Variants in ALOX15 observed in about 807,000 individuals in gnomAD.
ALOX15 encodes polyunsaturated fatty acid lipoxygenase ALOX15.
ALOX15 carries 68 observed loss-of-function variants against 71.7 expected under a neutral mutation model. That is an observed-to-expected ratio of 0.95 (90% CI 0.78 to 1.16). ALOX15 has a LOEUF of 1.16. Among genes scored for constraint, ALOX15 ranks in the 50% most tolerant of loss-of-function variants. The pLI is 0.00. For missense variants in ALOX15, 798 were observed against 818.8 expected, an observed-to-expected ratio of 0.97 and a Z score of 0.31; for synonymous variants, 346 against 333.3, an observed-to-expected ratio of 1.04 and a Z score of -0.42.
At position 4,641,658 on chromosome 17, in the gene ALOX15, CAA is replaced by C. The variant is rs775519285; in HGVS notation, c.-9_-8del. The C allele has an allele frequency of 6.3e-7, 1 of 1,596,542 alleles. No individual in the cohort carries two copies. The highest frequency in any genetic ancestry group is 8.5e-7 in the Non-Finnish European group (1 of 1,175,470). The stretch of plus-strand genomic sequence containing the variant: ...GGATGCGGTAGAGACCCATCTTGCT[CAA>C]AGATGTTTCGCTCCTTCTGGTGGAG... On this transcript the variant is annotated 5_prime_UTR_variant, in exon 1 of 14. Transcript: ENST00000293761.
In ALOX15 at chr17:4,631,945, G is replaced by C. The variant is rs772605354; in HGVS notation, c.1753C>G (p.Gln585Glu). The C allele has an allele frequency of 1.2e-6, 2 of 1,614,132 alleles. No individual in the cohort carries two copies. Among genetic ancestry groups the C allele is most frequent in the Middle Eastern group, 1.6e-4 (1 of 6,062 alleles). ...GTGATGGACATCTGGAGAGAAGCCTGGTGGAAGTTGGGCAGTGTCGCCATC... is the reference window on the plus strand; with the variant it reads ...GTGATGGACATCTGGAGAGAAGCCTCGTGGAAGTTGGGCAGTGTCGCCATC... ...TVMATLPNFHQASLQMSITWQ... is the reference protein window; with the variant it reads ...TVMATLPNFHEASLQMSITWQ... Residue 585 changes from glutamine (Q) to glutamate (E), a missense_variant, in exon 13 of 14, where the codon CAG becomes GAG. Coordinates refer to ENST00000293761, the MANE Select transcript of ALOX15 (RefSeq NM_001140.5).
At chr17:4,641,235 G>C (rs1227313299) in intron 1 of ALOX15, among the ~76,000 whole-genome samples, 1 of 150,750 alleles carries the variant, frequency 6.6e-6, no homozygotes, top group Non-Finnish European at 1.5e-5. Flanking sequence ...AGTGACTGCT[G>C]AGTTTCCAGA....
At position 4,639,151 on chromosome 17, in the gene ALOX15, A is replaced by G. The variant is rs370539505; in HGVS notation, c.338-19T>C. On this transcript the variant is annotated intron_variant, in intron 2 of 13. Coordinates refer to ENST00000293761, the MANE Select transcript of ALOX15 (RefSeq NM_001140.5). ...GTGCGGCCTAGAAGGACAGAGGAGG[A>G]CTTGGCCAGTGACTTTTGGTGAGCG... 226 of 1,613,796 alleles carry G rather than the reference A, an allele frequency of 1.4e-4. 1 individual carries two copies. The Middle Eastern group carries it at 2.0e-3, about 14-fold the overall frequency.
Position 4,639,603 on chromosome 17 carries a change from T to G in ALOX15, c.164A>C (p.Glu55Ala). ...CACAAACAGCAGCGGCCCCAGATAC[T>G]CCGGTACTTCCACCTTGAGTTCTGT... is the stretch of plus-strand genomic sequence containing the variant. Reference protein sequence around the residue: ...KETELKVEVPEYLGPLLFVKL... With the variant: ...KETELKVEVPAYLGPLLFVKL... The change falls in exon 2 of 14, where the codon GAG (glutamate) becomes GCG (alanine). Residue 55 changes from glutamate to alanine, a missense_variant. Glu to Ala is a moderately radical substitution (Grantham distance 107). This residue lies in a region of ALOX15 where 300 missense variants were observed against 283.1 expected (regional missense o/e 1.06). Transcript: ENST00000293761. The G allele has an allele frequency of 1.2e-6, 2 of 1,613,486 alleles. No individual in the cohort carries two copies. Among genetic ancestry groups the G allele is most frequent in the Non-Finnish European group, 1.7e-6 (2 of 1,179,756 alleles).
rs1567648033 is a variant in ALOX15 at position 4,637,157 on chromosome 17, C to T, written c.909G>A (p.Leu303=). 8 of 1,613,904 alleles carry T rather than the reference C, an allele frequency of 5.0e-6. No homozygotes were observed. The highest frequency in any genetic ancestry group is 5.1e-6 in the Non-Finnish European group (6 of 1,179,870). ...QQHLAAPLVM[L]KLQPDGKLLP... ...AGAGTTTCCCATCAGGCTGCAATTT[C>T]AGCATGACTAGAGGGGCAGCCAGGT... The change falls in exon 7 of 14, where the codon CTG becomes CTA. Residue 303 remains leucine, a synonymous_variant. Transcript: ENST00000293761.
rs1320260856 is a variant in ALOX15 at position 4,639,876 on chromosome 17, T to G, written c.136-245A>C. On this transcript the variant is annotated intron_variant, in intron 1 of 13. Coordinates refer to ENST00000293761, the MANE Select transcript of ALOX15 (RefSeq NM_001140.5). ...TCCTGCCTTCACTTTCTCCTCCCTG[T>G]GGTCACTGACTGTGCCAAGCGCTGG... 6.0e-4 allele frequency: 292 copies of G among 486,640 alleles called. 4 individuals are homozygous for G. The East Asian group carries it at 0.01, about 17-fold the overall frequency. 30.1% of individuals were successfully genotyped at this position (486,640 alleles called of 1,614,324 possible). A position where few individuals can be genotyped will look rare whatever the true frequency, so the allele number is the denominator to read the frequency against.
chr17:4,633,288 C>T lies in ALOX15; in HGVS notation c.1276G>A (p.Val426Met), dbSNP rs143864254. 26 of 1,613,918 alleles carry T rather than the reference C, an allele frequency of 1.6e-5. No homozygotes were observed. Among genetic ancestry groups the T allele is most frequent in the African/African-American group, 2.7e-5 (2 of 74,920 alleles). The change falls in exon 10 of 14, where the codon GTG (valine) becomes ATG (methionine). Residue 426 changes from valine to methionine, a missense_variant. By Grantham distance (21) the Val-to-Met change is conservative. Around this residue, in one of 3 missense-constraint regions of ALOX15, gnomAD observed 490 missense variants for 509.4 expected, o/e 0.96. Transcript: ENST00000293761. ...QIMSTGGGGHVQLLKQAGAFL... is the reference protein window; with the variant it reads ...QIMSTGGGGHMQLLKQAGAFL... ...GCTCCAGCTTGCTTGAGCAGCTGCA[C>T]GTGGCCTCCCCCACCAGTGCTCATT... is the stretch of plus-strand genomic sequence containing the variant.
At position 4,641,504 on chromosome 17, in the gene ALOX15, C is replaced by A; in HGVS notation, c.135+13G>T. On this transcript the variant is annotated intron_variant, in intron 1 of 13. Transcript: ENST00000293761. ...GGGGCGCAGCCCACCCCGCCCGGCT[C>A]TGGGGAGCTCACCTTGCCCCGTGCG... The A allele has an allele frequency of 6.2e-7, 1 of 1,611,736 alleles. No individual in the cohort carries two copies. Among genetic ancestry groups the A allele is most frequent in the Non-Finnish European group, 8.5e-7 (1 of 1,179,164 alleles).
At chr17:4,633,071 A>G in intron 10 of ALOX15, 75 bp downstream of exon 10, 1 of 1,609,626 alleles carries the variant, frequency 6.2e-7, no homozygotes, top group Non-Finnish European at 8.5e-7. Context: ...CCCCAACCAG[A>G]CGCAGACCTC....
At chr17:4,639,295 C>T (rs940465582) in intron 2 of ALOX15, 135 bp downstream of exon 2, 47 of 1,374,654 alleles carry the variant, frequency 3.4e-5, no homozygotes, top group Admixed American at 1.5e-4. Context: ...GCAGCCACCG[C>T]CCCTTCGACA....
Position 4,640,935 on chromosome 17 carries a change from C to T in ALOX15, c.135+582G>A, listed in dbSNP as rs1056717554. ...TTGCTTTGACGTTCCCTGAGACAGA[C>T]ATCCGGATTTGGGGATCTGGGAGAG... On this transcript the variant is annotated intron_variant, in intron 1 of 13. Transcript: ENST00000293761. Among the ~76,000 whole-genome samples the T allele has an allele frequency of 1.5e-4, 22 of 151,660 alleles. 1 individual carries two copies. The highest frequency in any genetic ancestry group is 4.8e-4 in the African/African-American group (20 of 41,448).
chr17:4,639,735 AGAG>A (rs2150538662), intron 1 of ALOX15, 104 bp from the exon 2 acceptor site: 2 of 1,157,220 alleles, frequency 1.7e-6, no homozygotes, highest in South Asian at 2.9e-5. Flanking sequence ...GGAGCCTCTG[AGAG>A]GAGGAGACGT....
Position 4,637,114 on chromosome 17 carries a change from C to G in ALOX15, c.951+1G>C. 4 of 1,610,266 alleles carry G rather than the reference C, an allele frequency of 2.5e-6. No homozygotes were observed. The highest frequency in any genetic ancestry group is 3.4e-6 in the Non-Finnish European group (4 of 1,177,826). ...GGAGCAGAAATCCTGAGTCCTCTCA[C>G]CTGGATGACCATGGGCAAGAGTTTC... On this transcript the variant is annotated splice_donor_variant, in intron 7 of 13. Transcript: ENST00000293761. LOFTEE classifies it high-confidence loss of function.
At chr17:4,634,562 T>C (rs1045353794) in intron 8 of ALOX15, among the ~76,000 whole-genome samples, 4 of 152,172 alleles carry the variant, frequency 2.6e-5, no homozygotes, top group African/African-American at 9.7e-5. Context: ...GAGATGTTTT[T>C]TCCTAATCTC....
intron 8 of ALOX15, 147 bp downstream of exon 8, chr17:4,635,612 C>G (rs912227316): frequency 3.9e-6 from 3 of 775,012 alleles, no homozygotes; most frequent in Non-Finnish European, 2.1e-6. Flanking sequence ...GCATGGCCAG[C>G]CCTGCTCATT....
rs1405767883 is a variant in ALOX15 at position 4,632,071 on chromosome 17, G to A, written c.1642-15C>T. 1.2e-6 allele frequency: 2 copies of A among 1,609,012 alleles called. No individual in the cohort carries two copies. Among genetic ancestry groups the A allele is most frequent in the Non-Finnish European group, 1.7e-6 (2 of 1,176,742 alleles). ...TACCAGTCCAGCTAAGGAAGGGCAG[G>A]GATCCAGAGTCAGTGCCTACCAAGC... is the stretch of plus-strand genomic sequence containing the variant. On this transcript the variant is annotated splice_polypyrimidine_tract_variant and intron_variant, in intron 12 of 13. Coordinates refer to ENST00000293761, the MANE Select transcript of ALOX15 (RefSeq NM_001140.5).
At chr17:4,637,379 AATGGATC>A in intron 6 of ALOX15, 121 bp from the exon 7 acceptor site, 1 of 1,177,334 alleles carries the variant, frequency 8.5e-7, no homozygotes, top group South Asian at 1.9e-5. Context: ...TATACCAGGT[AATGGATC>A]ATGTGCTTAC....
At chr17:4,634,326 G>A (rs1911016223) in intron 8 of ALOX15, among the ~76,000 whole-genome samples, 1 of 152,090 alleles carries the variant, frequency 6.6e-6, no homozygotes, top group African/African-American at 2.4e-5. Flanking sequence ...GTTTTGAGAT[G>A]GAGTCTTGCT....
chr17:4,631,945 G>A lies in ALOX15; in HGVS notation c.1753C>T (p.Gln585Ter). 1 of 1,614,132 alleles carries A rather than the reference G, an allele frequency of 6.2e-7. No individual in the cohort carries two copies. Among genetic ancestry groups the A allele is most frequent in the Non-Finnish European group, 8.5e-7 (1 of 1,180,050 alleles). ...GTGATGGACATCTGGAGAGAAGCCT[G>A]GTGGAAGTTGGGCAGTGTCGCCATC... ...TVMATLPNFH[Q>*]ASLQMSITWQ... The change falls in exon 13 of 14, where the codon CAG (glutamine) becomes TAG (stop). Residue 585 changes from glutamine to a stop codon, truncating the protein, a stop_gained. Coordinates refer to ENST00000293761, the MANE Select transcript of ALOX15 (RefSeq NM_001140.5). LOFTEE classifies it high-confidence loss of function.
Sources: allele counts gnomAD v4.1 joint callset (sites outside exome capture counted in the v4.1 genomes callset), GRCh38; gene constraint gnomAD v4.1.1; regional missense constraint gnomAD v4.1.1; transcripts MANE v1.5; gene names NCBI Gene and HGNC (gene_info 2026-07-23, HGNC 2026-07-21).